The following GPR107 variants were observed in gnomAD, a reference collection of about 807,000 sequenced individuals.
GPR107 encodes protein GPR107.
GPR107 carries 31 observed loss-of-function variants against 75.5 expected under a neutral mutation model. The ratio of observed to expected loss-of-function variants is 0.41; its 90% CI spans 0.31 to 0.55. The LOEUF is 0.55. GPR107 is among the 20% of genes least tolerant of loss of function. The pLI, the probability that GPR107 is intolerant of heterozygous loss-of-function variation, is 0.26. For synonymous variants in GPR107, 267 were observed against 251.3 expected (o/e 1.06, Z -0.59); for missense variants, 572 against 665.7 (o/e 0.86, Z 1.55).
chr9:130,066,573 T>C (rs1830073610), intron 1 of GPR107, among the ~76,000 whole-genome samples: 1 of 152,184 alleles, frequency 6.6e-6, no homozygotes, highest in East Asian at 1.9e-4. Context: ...GTTAGCCATG[T>C]CTGTCCAGAA....
chr9:130,086,499 G>C, intron 7 of GPR107, 23 bp downstream of exon 7: 1 of 1,374,714 alleles, frequency 7.3e-7, no homozygotes, highest in Middle Eastern at 1.8e-4. Flanking sequence ...TTTGTGTAAA[G>C]CCTCCTAGAA....
At chr9:130,066,417 G>A (rs1443768789) in intron 1 of GPR107, among the ~76,000 whole-genome samples, 1 of 152,016 alleles carries the variant, frequency 6.6e-6, no homozygotes, top group African/African-American at 2.4e-5. Flanking sequence ...TGACGACGAT[G>A]ATGATGATTG....
At chr9:130,089,650 A>T (rs1002361803) in intron 7 of GPR107, among the ~76,000 whole-genome samples, 1 of 152,154 alleles carries the variant, frequency 6.6e-6, no homozygotes, top group South Asian at 2.1e-4. Flanking sequence ...AAAAAAAATT[A>T]TATCTTTTAA....
intron 14 of GPR107, among the ~76,000 whole-genome samples, chr9:130,122,966 C>T (rs549168277): frequency 6.6e-6 from 1 of 152,254 alleles, no homozygotes; most frequent in African/African-American, 2.4e-5. Flanking sequence ...TGCACTACAG[C>T]CTGGGTGACA....
chr9:130,099,340 G>T (rs1017451095), intron 9 of GPR107, 117 bp from the exon 10 acceptor site: 5 of 615,346 alleles, frequency 8.1e-6, no homozygotes, highest in Admixed American at 5.8e-5. Flanking sequence ...TTTCATGTTT[G>T]TGGTTTGCAC....
chr9:130,086,194 G>C (rs1830611596), intron 6 of GPR107, among the ~76,000 whole-genome samples: 1 of 152,122 alleles, frequency 6.6e-6, no homozygotes, highest in African/African-American at 2.4e-5. Flanking sequence ...TGGAGGTAGG[G>C]GTTAGTGCAG....
intron 14 of GPR107, 77 bp downstream of exon 14, chr9:130,107,616 G>A: frequency 1.1e-6 from 1 of 928,720 alleles, no homozygotes; most frequent in Non-Finnish European, 1.8e-6. Flanking sequence ...GAGGAGTGGA[G>A]GCAGCCTATG....
intron 14 of GPR107, among the ~76,000 whole-genome samples, chr9:130,122,576 C>A (rs1831573658): frequency 6.6e-6 from 1 of 152,180 alleles, no homozygotes; most frequent in Non-Finnish European, 1.5e-5. Flanking sequence ...GTGTGCATGT[C>A]ACTCAGTGAG....
chr9:130,096,093 T>G lies in GPR107; in HGVS notation c.864-3364T>G, dbSNP rs544589843. Among the ~76,000 whole-genome samples the G allele has an allele frequency of 3.3e-5, 5 of 152,230 alleles. No individual in the cohort carries two copies. In the South Asian group the frequency reaches 1.0e-3, roughly 32 times the overall value. ...TATTTGAGCCGAGGTCAGTGAGTAT[T>G]CTTTCCATCACATCTCTGCCCCATC... On this transcript the variant is annotated intron_variant, in intron 9 of 17. Coordinates refer to ENST00000347136, the MANE Select transcript of GPR107 (RefSeq NM_020960.5).
rs750701739 is a variant in GPR107 at position 130,128,778 on chromosome 9, C to T, written c.1562+17C>T. On this transcript the variant is annotated intron_variant, in intron 17 of 17. Coordinates refer to ENST00000347136, the MANE Select transcript of GPR107 (RefSeq NM_020960.5). ...GGAGTCCGTGTAAGAAATCTTTCTT[C>T]CCTCTTCCTTAGCCCTGACCCCTTT... 1.9e-6 allele frequency: 3 copies of T among 1,612,314 alleles called. No homozygotes were observed. The South Asian group carries it at 3.3e-5, about 18-fold the overall frequency.
rs1381469001 is a variant in GPR107 at position 130,125,667 on chromosome 9, T to A, written c.1356+703T>A. Among the ~76,000 whole-genome samples, 13 of 146,024 alleles carry A rather than the reference T, an allele frequency of 8.9e-5. No individual in the cohort carries two copies. In the East Asian group the frequency reaches 2.5e-3, roughly 28 times the overall value. On this transcript the variant is annotated intron_variant, in intron 15 of 17. Transcript: ENST00000347136. ...CCCAGGCTGGAGTGCAGTAGTGCGA[T>A]CCCGGCCACTATTTTTACTCATTTA...
intron 1 of GPR107, among the ~76,000 whole-genome samples, chr9:130,067,085 A>AGG (rs1353790356): frequency 6.6e-6 from 1 of 151,992 alleles, no homozygotes; most frequent in Non-Finnish European, 1.5e-5. Flanking sequence ...TGTGACACTG[A>AGG]GGGAGATAGT....
At position 130,109,428 on chromosome 9, in the gene GPR107, C is replaced by T. The variant is rs562221826; in HGVS notation, c.1306+1889C>T. 3.9e-5 allele frequency among the ~76,000 whole-genome samples: 6 copies of T among 152,248 alleles called. No individual in the cohort carries two copies. In the East Asian group the frequency reaches 5.8e-4, roughly 15 times the overall value. Reference sequence around the variant, plus strand: ...TCAAGTGATCTGCCTGCCTCGGCCTCCCAAAGTGCTGGGATTACAGATGTG... The same window carrying T: ...TCAAGTGATCTGCCTGCCTCGGCCTTCCAAAGTGCTGGGATTACAGATGTG... On this transcript the variant is annotated intron_variant, in intron 14 of 17. Transcript: ENST00000347136.
intron 10 of GPR107, among the ~76,000 whole-genome samples, chr9:130,099,835 A>G (rs1284685210): frequency 1.6e-5 from 2 of 123,234 alleles, no homozygotes; most frequent in Admixed American, 1.7e-4. Context: ...ATTTCTAGAG[A>G]TGAGAGTGCC....
At chr9:130,079,180 C>T (rs996258192) in intron 4 of GPR107, among the ~76,000 whole-genome samples, 2 of 152,152 alleles carry the variant, frequency 1.3e-5, no homozygotes, top group African/African-American at 4.8e-5. Context: ...CCAGGCTGTT[C>T]CTGAATTCCT....
intron 4 of GPR107, among the ~76,000 whole-genome samples, chr9:130,078,437 C>A (rs1295961545): frequency 6.6e-6 from 1 of 152,146 alleles, no homozygotes; most frequent in Admixed American, 6.5e-5. Context: ...TTAAAATATT[C>A]TCCGTGATAA....
At chr9:130,072,454 T>G (rs1830232853) in intron 1 of GPR107, among the ~76,000 whole-genome samples, 1 of 151,736 alleles carries the variant, frequency 6.6e-6, no homozygotes, top group Non-Finnish European at 1.5e-5. Flanking sequence ...CTCCTGACCT[T>G]GTGATCTGCC....
At chr9:130,115,893 G>A (rs1312333530) in intron 14 of GPR107, among the ~76,000 whole-genome samples, 4 of 151,976 alleles carry the variant, frequency 2.6e-5, no homozygotes, top group East Asian at 1.9e-4. Flanking sequence ...ATGAGCCACC[G>A]TGCCCAGCCA....
chr9:130,110,370 G>T (rs999150374), intron 14 of GPR107: 1 of 1,531,898 alleles, frequency 6.5e-7, no homozygotes, highest in East Asian at 2.4e-5. Context: ...TTTCCACCAG[G>T]TGACAGCATG....
Sources: allele counts gnomAD v4.1 joint callset (sites outside exome capture counted in the v4.1 genomes callset), GRCh38; gene constraint gnomAD v4.1.1; transcripts MANE v1.5; gene names NCBI Gene and HGNC (gene_info 2026-07-23, HGNC 2026-07-21).